ADAMTSL1: variants seen among roughly 807,000 people sequenced by gnomAD.
The protein encoded by ADAMTSL1 is ADAMTS-like protein 1.
ADAMTSL1 carries 126 observed loss-of-function variants against 201.8 expected under a neutral mutation model. The ratio of observed to expected loss-of-function variants is 0.62; its 90% CI spans 0.54 to 0.72. The LOEUF is 0.72. Ranked by LOEUF, ADAMTSL1 falls within the 30% of genes least tolerant of loss-of-function variation. ADAMTSL1 has a pLI of 0.00. For synonymous variants in ADAMTSL1, 1,121 were observed against 903.4 expected (o/e 1.24, Z -4.32); for missense variants, 2,679 against 2,277.8 (o/e 1.18, Z -3.59).
chr9:18,103,233 G>C (rs112842008), intron 1 of ADAMTSL1, among the ~76,000 whole-genome samples: 15 of 152,068 alleles, frequency 9.9e-5, no homozygotes, highest in African/African-American at 3.6e-4. Flanking sequence ...AAAGACATCT[G>C]GGCTTTTCAT....
intron 2 of ADAMTSL1, among the ~76,000 whole-genome samples, chr9:18,392,501 T>A (rs1838093164): frequency 6.6e-6 from 1 of 152,238 alleles, no homozygotes. Flanking sequence ...GCAAACCTGC[T>A]ACTGACAACA....
chr9:18,466,066 A>G (rs544020401), intron 2 of ADAMTSL1, among the ~76,000 whole-genome samples: 1 of 152,240 alleles, frequency 6.6e-6, no homozygotes, highest in African/African-American at 2.4e-5. Context: ...TATCTTATTT[A>G]AAAGAACTTT....
intron 20 of ADAMTSL1, among the ~76,000 whole-genome samples, chr9:18,816,363 A>C (rs1229233556): frequency 6.6e-6 from 1 of 152,052 alleles, no homozygotes; most frequent in East Asian, 1.9e-4. Flanking sequence ...CAGCCTCCTA[A>C]GTAGCTGGGA....
At chr9:18,326,757 T>C (rs989264998) in intron 2 of ADAMTSL1, among the ~76,000 whole-genome samples, 1 of 152,222 alleles carries the variant, frequency 6.6e-6, no homozygotes, top group Non-Finnish European at 1.5e-5. Context: ...AGCTTCATTT[T>C]CCATATACTT....
At chr9:18,228,630 G>C (rs1830519507) in intron 2 of ADAMTSL1, among the ~76,000 whole-genome samples, 1 of 152,042 alleles carries the variant, frequency 6.6e-6, no homozygotes, top group Non-Finnish European at 1.5e-5. Flanking sequence ...GTGTTTCCCA[G>C]GCTGGTTTTG....
intron 1 of ADAMTSL1, among the ~76,000 whole-genome samples, chr9:17,940,802 A>AC (rs60278506): frequency 0.29 from 14,599 of 50,500 alleles, 2,462 homozygotes; most frequent in Middle Eastern, 0.37. Flanking sequence ...AGTAAATAAC[A>AC]CCCCCCCCCC....
At chr9:18,641,756 T>A (rs1385658928) in intron 7 of ADAMTSL1, among the ~76,000 whole-genome samples, 1 of 152,024 alleles carries the variant, frequency 6.6e-6, no homozygotes, top group African/African-American at 2.4e-5. Flanking sequence ...TTCTCTTCCC[T>A]AATTTTCCTC....
At chr9:18,884,124 G>A (rs1382905967) in intron 23 of ADAMTSL1, among the ~76,000 whole-genome samples, 1 of 152,154 alleles carries the variant, frequency 6.6e-6, no homozygotes, top group East Asian at 1.9e-4. Context: ...TGGGTATGCA[G>A]TGGTAACTCA....
In ADAMTSL1 at chr9:18,644,495, T is replaced by C. The variant is rs112011557; in HGVS notation, c.834+5084T>C. On this transcript the variant is annotated intron_variant, in intron 7 of 28. Transcript: ENST00000380548. The stretch of plus-strand genomic sequence containing the variant: ...CTGGTGTGCTGCACCCATTAACTTG[T>C]CATTTGGTATTAGGTATATCTCCTA... Among the ~76,000 whole-genome samples, 1,314 of 152,144 alleles carry C rather than the reference T, an allele frequency of 8.6e-3. 17 individuals are homozygous for C. The highest frequency in any genetic ancestry group is 0.025 in the African/African-American group (1,019 of 41,480).
intron 1 of ADAMTSL1, among the ~76,000 whole-genome samples, chr9:18,152,800 G>A (rs1355605924): frequency 6.6e-6 from 1 of 152,000 alleles, no homozygotes. Flanking sequence ...AAGGTAGTGG[G>A]CAGGACAGAG....
chr9:18,429,782 A>ATTTTTG (rs1023670462), intron 2 of ADAMTSL1, among the ~76,000 whole-genome samples: 14 of 151,326 alleles, frequency 9.3e-5, no homozygotes, highest in African/African-American at 3.2e-4. Flanking sequence ...ATACGTTTTG[A>ATTTTTG]TTTTTGTTTT....
chr9:18,909,823 G>C lies in ADAMTSL1; in HGVS notation c.*1275G>C, dbSNP rs538699332. ...GCATGTAGTATTTATCTAGCAAGGC[G>C]GGGTGGTGGAGGCAGCACCCTGGCA... On this transcript the variant is annotated 3_prime_UTR_variant, in exon 29 of 29. Transcript: ENST00000380548. The C allele has an allele frequency of 3.3e-5, 5 of 152,358 alleles. No homozygotes were observed. The highest frequency in any genetic ancestry group is 3.9e-4 in the East Asian group (2 of 5,178). The allele number at this position is 152,358 out of a possible 1,614,324, so 9.4% of individuals were successfully genotyped here.
intron 9 of ADAMTSL1, among the ~76,000 whole-genome samples, chr9:18,674,223 A>ACACACACACACACAC (rs1564139447): frequency 4.6e-5 from 6 of 130,552 alleles, no homozygotes; most frequent in African/African-American, 1.7e-4. Context: ...CACACACACA[A>ACACACACACACACAC]ACACACACAT....
chr9:18,708,773 A>C (rs554813754), intron 14 of ADAMTSL1, among the ~76,000 whole-genome samples: 2 of 152,356 alleles, frequency 1.3e-5, no homozygotes, highest in South Asian at 4.1e-4. Flanking sequence ...GTTCTCAGTT[A>C]CAAGTCAAGC....
intron 14 of ADAMTSL1, chr9:18,717,989 G>C: frequency 1.3e-6 from 2 of 1,589,878 alleles, no homozygotes; most frequent in Non-Finnish European, 1.7e-6. Flanking sequence ...CAGCTGACAT[G>C]ATGACTTTTT....
intron 2 of ADAMTSL1, among the ~76,000 whole-genome samples, chr9:18,312,234 T>A (rs1834184906): frequency 6.6e-6 from 1 of 152,206 alleles, no homozygotes. Flanking sequence ...GACTAGTTTA[T>A]CATCTAGAGG....
At chr9:18,159,967 A>G (rs955709513) in intron 1 of ADAMTSL1, among the ~76,000 whole-genome samples, 6 of 152,060 alleles carry the variant, frequency 3.9e-5, no homozygotes, top group Non-Finnish European at 7.4e-5. Context: ...TAGAGAATAG[A>G]AAGTTATTTG....
At chr9:17,997,303 C>A (rs1819422047) in intron 1 of ADAMTSL1, among the ~76,000 whole-genome samples, 1 of 151,952 alleles carries the variant, frequency 6.6e-6, no homozygotes, top group African/African-American at 2.4e-5. Context: ...TTATAACAAA[C>A]AAGGGTGTTG....
chr9:18,283,708 C>G (rs113667335), intron 2 of ADAMTSL1, among the ~76,000 whole-genome samples: 1 of 146,360 alleles, frequency 6.8e-6, no homozygotes, highest in African/African-American at 2.5e-5. Flanking sequence ...GTCAGGAGAT[C>G]GAGACCATCC....
Sources: gnomAD v4.1 joint callset for allele counts (sites outside exome capture counted in the v4.1 genomes callset) on GRCh38, gnomAD v4.1.1 for gene constraint, MANE v1.5 for transcripts, NCBI Gene and HGNC (gene_info 2026-07-23, HGNC 2026-07-21) for gene names.